The following GRID2 variants were observed in gnomAD, a reference collection of about 807,000 sequenced individuals.
The protein encoded by GRID2 is glutamate receptor ionotropic, delta-2.
GRID2 carries 33 observed loss-of-function variants against 114.8 expected under a neutral mutation model. That is an observed-to-expected ratio of 0.29 (90% confidence interval 0.22 to 0.38). The LOEUF is 0.38. GRID2 is among the 10% of genes least tolerant of loss of function. The probability of loss-of-function intolerance (pLI) is 1.00; values close to 1 mark genes in which losing one functional copy is unlikely to be tolerated. For synonymous variants in GRID2, 505 were observed against 449.9 expected, an observed-to-expected ratio of 1.12 and a Z score of -1.55; for missense variants, 1,184 against 1,257.7, an observed-to-expected ratio of 0.94 and a Z score of 0.89.
chr4:93,083,517 C>A (rs1472582831), intron 2 of GRID2, among the ~76,000 whole-genome samples: 1 of 151,674 alleles, frequency 6.6e-6, no homozygotes. Context: ...CATGGTGAAA[C>A]TCCGTCTCTA....
intron 2 of GRID2, among the ~76,000 whole-genome samples, chr4:92,666,650 G>GGTTTTTTTTTT (rs1732792354): frequency 1.5e-5 from 1 of 68,594 alleles, no homozygotes; most frequent in South Asian, 5.6e-4. Context: ...CTTAAGGGTT[G>GGTTTTTTTTTT]TTTTTTTTTT....
intron 1 of GRID2, among the ~76,000 whole-genome samples, chr4:92,319,890 A>AT (rs1164797739): frequency 6.6e-6 from 1 of 152,192 alleles, no homozygotes; most frequent in Non-Finnish European, 1.5e-5. Flanking sequence ...CATTTTTAGG[A>AT]TAAAAAGTCA....
chr4:93,713,867 A>G (rs1178849563), intron 14 of GRID2, among the ~76,000 whole-genome samples: 1 of 152,162 alleles, frequency 6.6e-6, no homozygotes, highest in Admixed American at 6.5e-5. Context: ...TATATTTGTA[A>G]AAGTTAATAC....
intron 8 of GRID2, among the ~76,000 whole-genome samples, chr4:93,362,169 AT>A (rs1400532116): frequency 6.6e-6 from 1 of 152,056 alleles, no homozygotes; most frequent in Non-Finnish European, 1.5e-5. Context: ...ACTAAAGAGA[AT>A]TTGTAACTTT....
chr4:93,530,937 C>T (rs1731376036), intron 13 of GRID2, among the ~76,000 whole-genome samples: 1 of 152,046 alleles, frequency 6.6e-6, no homozygotes, highest in Non-Finnish European at 1.5e-5. Context: ...AGTAGTACAA[C>T]TTATTCACTA....
intron 13 of GRID2, among the ~76,000 whole-genome samples, chr4:93,600,662 C>A (rs58200946): frequency 5.7e-4 from 87 of 152,132 alleles, no homozygotes; most frequent in African/African-American, 2.0e-3. Flanking sequence ...TAGCAGTTTC[C>A]TACCAAACTA....
intron 2 of GRID2, among the ~76,000 whole-genome samples, chr4:92,794,359 C>CAT (rs976591669): frequency 2.0e-5 from 3 of 151,664 alleles, no homozygotes; most frequent in African/African-American, 4.8e-5. Flanking sequence ...ATCACCCTGC[C>CAT]ATATATATAT....
intron 2 of GRID2, among the ~76,000 whole-genome samples, chr4:92,665,000 T>A (rs1339385162): frequency 1.3e-5 from 2 of 149,700 alleles, no homozygotes; most frequent in African/African-American, 4.9e-5. Context: ...TTTTTTTTTT[T>A]AATTTCAGAG....
chr4:93,566,925 G>T (rs1735484949), intron 13 of GRID2, among the ~76,000 whole-genome samples: 1 of 152,152 alleles, frequency 6.6e-6, no homozygotes. Flanking sequence ...GGTTAGACCA[G>T]GAGAAACATA....
chr4:93,664,404 G>A (rs1241130417), intron 14 of GRID2, among the ~76,000 whole-genome samples: 1 of 152,214 alleles, frequency 6.6e-6, no homozygotes, highest in Non-Finnish European at 1.5e-5. Context: ...AACTGTAGTG[G>A]ACAAAGTGGA....
intron 7 of GRID2, among the ~76,000 whole-genome samples, chr4:93,227,024 A>AG (rs879874482): frequency 7.2e-5 from 11 of 152,198 alleles, no homozygotes; most frequent in Non-Finnish European, 1.3e-4. Flanking sequence ...GGCCCTGGAC[A>AG]GGGAGCCCAT....
chr4:92,816,690 T>G (rs551521787), intron 2 of GRID2, among the ~76,000 whole-genome samples: 234 of 152,260 alleles, frequency 1.5e-3, no homozygotes, highest in African/African-American at 5.3e-3. Context: ...AGATTCAAAT[T>G]CTACCTTTTC....
At chr4:92,625,569 G>A (rs1730480531) in intron 2 of GRID2, among the ~76,000 whole-genome samples, 1 of 151,706 alleles carries the variant, frequency 6.6e-6, no homozygotes, top group African/African-American at 2.4e-5. Context: ...AAGAAAGCCT[G>A]CATTTAAAAA....
intron 13 of GRID2, among the ~76,000 whole-genome samples, chr4:93,558,290 A>G (rs13151885): frequency 0.17 from 25,123 of 152,194 alleles, 2,733 homozygotes; most frequent in Middle Eastern, 0.3. Flanking sequence ...AAATCAATGA[A>G]TCCAGGAGAT....
chr4:93,102,513 T>C (rs1040492044), intron 3 of GRID2, among the ~76,000 whole-genome samples: 4 of 151,974 alleles, frequency 2.6e-5, no homozygotes, highest in African/African-American at 9.7e-5. Flanking sequence ...AAAACATTGA[T>C]TTAATGTTTT....
chr4:93,202,195 C>T (rs1742180314), intron 4 of GRID2, among the ~76,000 whole-genome samples: 1 of 152,028 alleles, frequency 6.6e-6, no homozygotes, highest in Non-Finnish European at 1.5e-5. Context: ...TAAATAGAGT[C>T]CTCATTGGAT....
chr4:93,280,757 A>C (rs1579529011), intron 8 of GRID2, among the ~76,000 whole-genome samples: 1 of 152,128 alleles, frequency 6.6e-6, no homozygotes, highest in Non-Finnish European at 1.5e-5. Flanking sequence ...CTTGAAGAAA[A>C]TCTAATTTTC....
chr4:93,311,668 T>C (rs1756031295), intron 8 of GRID2, among the ~76,000 whole-genome samples: 1 of 152,158 alleles, frequency 6.6e-6, no homozygotes, highest in Non-Finnish European at 1.5e-5. Flanking sequence ...CAGGTTATTG[T>C]TGGCAGACGA....
intron 8 of GRID2, among the ~76,000 whole-genome samples, chr4:93,372,944 G>A (rs111856792): frequency 6.6e-6 from 1 of 152,054 alleles, no homozygotes; most frequent in African/African-American, 2.4e-5. Context: ...TACTTTTGTG[G>A]GTATCTATAT....
Sources: gnomAD v4.1 joint callset for allele counts (sites outside exome capture counted in the v4.1 genomes callset) on GRCh38, gnomAD v4.1.1 for gene constraint, MANE v1.5 for transcripts, NCBI Gene and HGNC (gene_info 2026-07-23, HGNC 2026-07-21) for gene names.